RFX2: variants seen among roughly 807,000 people sequenced by gnomAD.
The protein encoded by RFX2 is DNA-binding protein RFX2.
In RFX2, 20 loss-of-function variants were observed where a neutral mutation model predicts 87.8. The ratio of observed to expected loss-of-function variants is 0.23; its 90% CI spans 0.16 to 0.33. The LOEUF is 0.33. Among genes scored for constraint, RFX2 ranks in the 10% least tolerant of loss-of-function variants. The pLI, the probability that RFX2 is intolerant of heterozygous loss-of-function variation, is 1.00. For synonymous variants in RFX2, 397 were observed against 431.3 expected (o/e 0.92, Z 0.98); for missense variants, 767 against 1,012.3 (o/e 0.76, Z 3.29).
At position 5,993,904 on chromosome 19, in the gene RFX2, G is replaced by C. The variant is rs961665025; in HGVS notation, c.*931C>G. On this transcript the variant is annotated 3_prime_UTR_variant, in exon 18 of 18. Coordinates refer to ENST00000303657, the MANE Select transcript of RFX2 (RefSeq NM_000635.4). ...CGTGGAGCGGGACGCAGGCACTGCT[G>C]TTTGGACGACACGCGGGATGGCTGC... is the stretch of plus-strand genomic sequence containing the variant. 6.6e-6 allele frequency: 1 copy of C among 152,296 alleles called. No homozygotes were observed. Among genetic ancestry groups the C allele is most frequent in the Non-Finnish European group, 1.5e-5 (1 of 68,084 alleles). 9.4% of individuals were successfully genotyped at this position (152,296 alleles called of 1,614,324 possible). A position where few individuals can be genotyped will look rare whatever the true frequency, so the allele number is the denominator to read the frequency against.
At chr19:6,015,928 C>T (rs2086720318) in intron 7 of RFX2, among the ~76,000 whole-genome samples, 162 bp downstream of exon 7, 1 of 152,268 alleles carries the variant, frequency 6.6e-6, no homozygotes, top group Admixed American at 6.5e-5. Flanking sequence ...TACACCTGGC[C>T]ACAGCCAAGG....
intron 1 of RFX2, among the ~76,000 whole-genome samples, chr19:6,107,851 TATTTAC>T (rs1314374838): frequency 6.6e-6 from 1 of 152,144 alleles, no homozygotes; most frequent in Non-Finnish European, 1.5e-5. Context: ...AAAAGATGAG[TATTTAC>T]ATTTAAATAT....
At chr19:6,036,215 G>A (rs1445191809) in intron 5 of RFX2, among the ~76,000 whole-genome samples, 1 of 152,234 alleles carries the variant, frequency 6.6e-6, no homozygotes, top group Non-Finnish European at 1.5e-5. Context: ...CCAGGCGGGA[G>A]AAGTATGTCT....
At chr19:6,005,210 C>T (rs1054729074) in intron 12 of RFX2, among the ~76,000 whole-genome samples, 9 of 152,258 alleles carry the variant, frequency 5.9e-5, no homozygotes, top group Admixed American at 5.2e-4. Flanking sequence ...GAACAGTTTT[C>T]AGGCAGACAG....
intron 6 of RFX2, among the ~76,000 whole-genome samples, chr19:6,019,585 G>GATAT (rs141504032): frequency 0.061 from 7,926 of 129,294 alleles, 715 homozygotes; most frequent in African/African-American, 0.2. Context: ...TAGAGACAGG[G>GATAT]ATATATATAT....
chr19:6,079,168 A>G (rs1197440452), intron 1 of RFX2, among the ~76,000 whole-genome samples: 12 of 152,354 alleles, frequency 7.9e-5, no homozygotes, highest in Non-Finnish European at 1.5e-5. Context: ...AATCCTGTAA[A>G]TTACCAAACA....
intron 1 of RFX2, among the ~76,000 whole-genome samples, chr19:6,103,586 C>T (rs1400345939): frequency 6.6e-6 from 1 of 152,162 alleles, no homozygotes. Flanking sequence ...ATCTGTAGAG[C>T]TGGCCACTCC....
In RFX2 at chr19:6,040,642, C is replaced by A. The variant is rs1179720859; in HGVS notation, c.261-401G>T. Among the ~76,000 whole-genome samples the A allele has an allele frequency of 6.6e-6, 1 of 151,950 alleles. No homozygotes were observed. The highest frequency in any genetic ancestry group is 2.4e-5 in the African/African-American group (1 of 41,346). ...GGTGTGGTGGTGCGTGCCGGTAGTCCCAGCTACTCAGGAGGCTGAGGTGGG... is the reference window on the plus strand; with the variant it reads ...GGTGTGGTGGTGCGTGCCGGTAGTCACAGCTACTCAGGAGGCTGAGGTGGG... On this transcript the variant is annotated intron_variant, in intron 4 of 17. Coordinates refer to ENST00000303657, the MANE Select transcript of RFX2 (RefSeq NM_000635.4). This position sits in a 1 kb window ranked among gnomAD's most constrained non-coding sequence, Gnocchi z 6.1.
In RFX2 at chr19:6,001,334, C is replaced by T. The variant is rs991252451; in HGVS notation, c.1859+481G>A. Among the ~76,000 whole-genome samples, 1 of 152,198 alleles carries T rather than the reference C, an allele frequency of 6.6e-6. No individual in the cohort carries two copies. Among genetic ancestry groups the T allele is most frequent in the Non-Finnish European group, 1.5e-5 (1 of 68,042 alleles). ...CTAGGGTACAGTGGTGCAATCTTGG[C>T]TCACTGCAGCCTGGACCGCCTGGGC... On this transcript the variant is annotated intron_variant, in intron 15 of 17. Coordinates refer to ENST00000303657, the MANE Select transcript of RFX2 (RefSeq NM_000635.4). The surrounding 1 kb of genome is among the most constrained non-coding windows in gnomAD (Gnocchi z 5.6).
chr19:6,109,133 T>C (rs1183191348), intron 1 of RFX2, among the ~76,000 whole-genome samples: 2 of 149,862 alleles, frequency 1.3e-5, no homozygotes, highest in East Asian at 2.0e-4. Flanking sequence ...AGAAAATGCC[T>C]GGAGCAGTTT....
At chr19:6,046,605 CTTTTTTTTTTTTT>C (rs55854937) in intron 2 of RFX2, among the ~76,000 whole-genome samples, 16 of 90,588 alleles carry the variant, frequency 1.8e-4, no homozygotes, top group African/African-American at 2.8e-4. Flanking sequence ...GCCTTTTTGC[CTTTTTTTTTTTTT>C]TTTTTTTTTT....
At chr19:6,018,580 G>A (rs2086762927) in intron 6 of RFX2, among the ~76,000 whole-genome samples, 1 of 152,222 alleles carries the variant, frequency 6.6e-6, no homozygotes. Context: ...TAGGAAGGGG[G>A]AAGTTAAGTC....
Position 6,004,082 on chromosome 19 carries a change from T to C in RFX2, c.1500+119A>G, listed in dbSNP as rs1002008184. On this transcript the variant is annotated intron_variant, in intron 13 of 17. Transcript: ENST00000303657. This position sits in a 1 kb window ranked among gnomAD's most constrained non-coding sequence, Gnocchi z 4.8. ...CTCAGGGCTTCCTGAAGGGATCGGT[T>C]ACTCTCATGACGCAGGGAAGAAGCC... 1 of 785,032 alleles carries C rather than the reference T, an allele frequency of 1.3e-6. No individual in the cohort carries two copies. Among genetic ancestry groups the C allele is most frequent in the Non-Finnish European group, 2.3e-6 (1 of 443,830 alleles). 48.6% of individuals were successfully genotyped at this position (785,032 alleles called of 1,614,324 possible).
In RFX2 at chr19:6,080,202, A is replaced by ATATGTGTGTGTGTG. The variant is rs1555681457; in HGVS notation, c.-9+30190_-9+30191insCACACACACACATA. Among the ~76,000 whole-genome samples, 5 of 138,412 alleles carry ATATGTGTGTGTGTG rather than the reference A, an allele frequency of 3.6e-5. No individual in the cohort carries two copies. In the Admixed American group the frequency reaches 3.6e-4, roughly 10 times the overall value. The allele number at this position is 138,412 out of a possible 152,430, so 90.8% of individuals were successfully genotyped here. A position where few individuals can be genotyped will look rare whatever the true frequency, so the allele number is the denominator to read the frequency against. ...GGGACCACAGGCACATGCCTGGTTA[A>ATATGTGTGTGTGTG]TGTGTGTGTGTGTGTGTGTGTGTGT... On this transcript the variant is annotated intron_variant, in intron 1 of 17. Coordinates refer to ENST00000303657, the MANE Select transcript of RFX2 (RefSeq NM_000635.4).
chr19:6,054,841 G>T (rs1263751207), intron 1 of RFX2, among the ~76,000 whole-genome samples: 1 of 152,120 alleles, frequency 6.6e-6, no homozygotes, highest in Non-Finnish European at 1.5e-5. Context: ...CAGCATAAAA[G>T]AAAAACTTGA....
At position 6,040,217 on chromosome 19, in the gene RFX2, G is replaced by A. The variant is rs1342657974; in HGVS notation, c.285C>T (p.Pro95=). Residue 95 remains proline, a synonymous_variant, in exon 5 of 18, where the codon CCC becomes CCT. Coordinates refer to ENST00000303657, the MANE Select transcript of RFX2 (RefSeq NM_000635.4). This position sits in a 1 kb window ranked among gnomAD's most constrained non-coding sequence, Gnocchi z 6.1. The part of the protein sequence containing the change: ...GAIRTAYTYN[P]EPQMYAPSST... ...TGCTGGGGGCGTACATCTGAGGCTC[G>A]GGGTTGTAGGTGTAGGCTGTTCGTC... 4.4e-6 allele frequency: 7 copies of A among 1,579,426 alleles called. No homozygotes were observed. In the South Asian group the frequency reaches 4.5e-5, roughly 10 times the overall value.
At chr19:6,105,767 T>C (rs2144916601) in intron 1 of RFX2, among the ~76,000 whole-genome samples, 1 of 151,954 alleles carries the variant, frequency 6.6e-6, no homozygotes, top group Admixed American at 6.6e-5. Flanking sequence ...GCTGATGGCT[T>C]GGGAGAGAGG....
chr19:6,058,961 G>A (rs1229384400), intron 1 of RFX2, among the ~76,000 whole-genome samples: 3 of 151,682 alleles, frequency 2.0e-5, no homozygotes, highest in Admixed American at 6.6e-5. Flanking sequence ...GGAAACACCC[G>A]TTCCTTCCCC....
intron 1 of RFX2, among the ~76,000 whole-genome samples, chr19:6,065,314 T>G (rs2087493447): frequency 1.3e-5 from 2 of 152,114 alleles, no homozygotes; most frequent in South Asian, 4.1e-4. Context: ...ATCCTAATTA[T>G]CACATCTAAT....
Sources: allele counts gnomAD v4.1 joint callset (sites outside exome capture counted in the v4.1 genomes callset), GRCh38; gene constraint gnomAD v4.1.1; non-coding constraint Gnocchi (gnomAD v3.1); transcripts MANE v1.5; gene names NCBI Gene and HGNC (gene_info 2026-07-23, HGNC 2026-07-21).